The following EPHB2 variants were observed in gnomAD, a reference collection of about 807,000 sequenced individuals.
EPHB2 encodes ephrin type-B receptor 2.
A neutral mutation model predicts 96.4 loss-of-function variants in EPHB2; 18 were observed. The ratio of observed to expected loss-of-function variants is 0.19; its 90% CI spans 0.13 to 0.28. The LOEUF (loss-of-function observed/expected upper bound fraction) is 0.28, where lower values mean the gene tolerates loss of function less well. Among genes scored for constraint, EPHB2 ranks in the 10% least tolerant of loss-of-function variants. The probability of loss-of-function intolerance (pLI) is 1.00; values close to 1 mark genes in which losing one functional copy is unlikely to be tolerated. For synonymous variants in EPHB2, 506 were observed against 534.1 expected (o/e 0.95, Z 0.72); for missense variants, 989 against 1,355.4 (o/e 0.73, Z 4.25).
intron 3 of EPHB2, among the ~76,000 whole-genome samples, chr1:22,793,644 T>A (rs536934546): frequency 6.6e-6 from 1 of 152,244 alleles, no homozygotes; most frequent in East Asian, 1.9e-4. Flanking sequence ...TCAGTTCTAC[T>A]GCCCTCGCAG....
intron 4 of EPHB2, among the ~76,000 whole-genome samples, chr1:22,864,139 G>A (rs901091964): frequency 2.0e-5 from 3 of 150,614 alleles, no homozygotes; most frequent in Non-Finnish European, 1.5e-5. Context: ...TCCACCTCCC[G>A]GGTTCAAGTG....
intron 1 of EPHB2, among the ~76,000 whole-genome samples, chr1:22,748,377 C>CTT (rs372352422): frequency 1.4e-5 from 2 of 143,168 alleles, no homozygotes. Context: ...TTTCTGGGTC[C>CTT]TTTTTTTTTT....
rs546796590 is a variant in EPHB2, at chr1:22,790,810, A to C, written c.811+5734A>C. Among the ~76,000 whole-genome samples the C allele has an allele frequency of 4.5e-3, 693 of 152,366 alleles. 4 individuals carry two copies. The highest frequency in any genetic ancestry group is 7.1e-3 in the Non-Finnish European group (486 of 68,034). ...TGGATGGGGAGAGGGGCTGCTAGCCAGCTCGGGGTGGTTGCACGCACATGT... is the reference window on the plus strand; with the variant it reads ...TGGATGGGGAGAGGGGCTGCTAGCCCGCTCGGGGTGGTTGCACGCACATGT... On this transcript the variant is annotated intron_variant, in intron 3 of 15. Transcript: ENST00000374630. This position sits in a 1 kb window ranked among gnomAD's most constrained non-coding sequence, Gnocchi z 4.0.
At chr1:22,715,035 G>T (rs549895655) in intron 1 of EPHB2, among the ~76,000 whole-genome samples, 1 of 152,220 alleles carries the variant, frequency 6.6e-6, no homozygotes, top group African/African-American at 2.4e-5. Context: ...TGCCATGTTT[G>T]CTGTGACATC....
At chr1:22,729,044 C>T (rs896197551) in intron 1 of EPHB2, among the ~76,000 whole-genome samples, 2 of 152,216 alleles carry the variant, frequency 1.3e-5, no homozygotes, top group African/African-American at 4.8e-5. Context: ...CCAGAAATTA[C>T]ACATCCTGAT....
Position 22,786,074 on chromosome 1 carries a change from C to T in EPHB2, c.811+998C>T, listed in dbSNP as rs561690263. 5.3e-5 allele frequency among the ~76,000 whole-genome samples: 8 copies of T among 152,278 alleles called. No homozygotes were observed. The East Asian group carries it at 1.3e-3, about 26-fold the overall frequency. On this transcript the variant is annotated intron_variant, in intron 3 of 15. Coordinates refer to ENST00000374630, the MANE Select transcript of EPHB2 (RefSeq NM_017449.5). ...GGTCTGCAAACAAGCTTTGCAAACA[C>T]GAGAAGTTTGTGAGAGGTACACCCT...
At chr1:22,867,095 A>G (rs1381889248) in intron 5 of EPHB2, among the ~76,000 whole-genome samples, 1 of 152,194 alleles carries the variant, frequency 6.6e-6, no homozygotes, top group African/African-American at 2.4e-5. Context: ...AACCAGGAAG[A>G]GTGAGAGGCA....
chr1:22,824,190 A>G (rs1044170928), intron 3 of EPHB2, among the ~76,000 whole-genome samples: 1 of 150,498 alleles, frequency 6.6e-6, no homozygotes, highest in African/African-American at 2.4e-5. Context: ...TCATAGATGG[A>G]TTTGTGAATG....
chr1:22,799,649 T>C (rs958950230), intron 3 of EPHB2, among the ~76,000 whole-genome samples: 4 of 152,196 alleles, frequency 2.6e-5, no homozygotes, highest in African/African-American at 9.7e-5. Flanking sequence ...ATGAGGGAAC[T>C]GGGGTTCAGA....
intron 3 of EPHB2, among the ~76,000 whole-genome samples, chr1:22,821,171 C>T (rs886250134): frequency 3.3e-5 from 5 of 152,164 alleles, no homozygotes; most frequent in Non-Finnish European, 7.3e-5. Context: ...AAGATAGACA[C>T]GCATGCTTCT....
intron 1 of EPHB2, among the ~76,000 whole-genome samples, chr1:22,745,748 C>T (rs951042033): frequency 8.6e-5 from 13 of 150,866 alleles, no homozygotes; most frequent in African/African-American, 2.7e-4. Flanking sequence ...GGGCGCTTGG[C>T]AATGGGGGGC....
chr1:22,809,393 G>C (rs1047876829), intron 3 of EPHB2, among the ~76,000 whole-genome samples: 5 of 152,190 alleles, frequency 3.3e-5, no homozygotes, highest in African/African-American at 1.2e-4. Flanking sequence ...TTCCTAAGAT[G>C]TTTTTCCAAG....
intron 1 of EPHB2, among the ~76,000 whole-genome samples, chr1:22,718,828 G>A (rs767513491): frequency 6.6e-6 from 1 of 152,226 alleles, no homozygotes; most frequent in Non-Finnish European, 1.5e-5. Flanking sequence ...AGGAGTGACT[G>A]GCCCAAGGAC....
intron 1 of EPHB2, among the ~76,000 whole-genome samples, chr1:22,743,101 A>T (rs533540695): frequency 6.6e-6 from 1 of 152,218 alleles, no homozygotes; most frequent in Non-Finnish European, 1.5e-5. Flanking sequence ...TATGTTGCCC[A>T]GGCTGGTCTT....
At chr1:22,819,073 G>A (rs1388856054) in intron 3 of EPHB2, among the ~76,000 whole-genome samples, 1 of 152,086 alleles carries the variant, frequency 6.6e-6, no homozygotes, top group Non-Finnish European at 1.5e-5. Context: ...GCCATGCTGT[G>A]AGACCTTAGG....
Position 22,864,923 on chromosome 1 carries a change from C to G in EPHB2, c.1014C>G (p.Thr338=). The change falls in exon 5 of 16, where the codon ACC becomes ACG. Residue 338 remains threonine, a synonymous_variant. Transcript: ENST00000374630. ...CTGTGATTTCCAGTGTCAATGAGAC[C>G]TCCCTCATGCTGGAGTGGACCCCTC... ...PQAVISSVNE[T]SLMLEWTPPR... The G allele has an allele frequency of 6.2e-7, 1 of 1,607,714 alleles. No homozygotes were observed. Among genetic ancestry groups the G allele is most frequent in the Non-Finnish European group, 8.5e-7 (1 of 1,176,984 alleles).
At chr1:22,901,726 C>G (rs1032934892) in intron 9 of EPHB2, among the ~76,000 whole-genome samples, 2 of 152,152 alleles carry the variant, frequency 1.3e-5, no homozygotes, top group African/African-American at 4.8e-5. Flanking sequence ...CTGAGGGTTA[C>G]AAGTGGAGAC....
rs558753416 is a variant in EPHB2 at position 22,858,190 on chromosome 1, G to T, written c.812-4847G>T. On this transcript the variant is annotated intron_variant, in intron 3 of 15. Transcript: ENST00000374630. This position sits in a 1 kb window ranked among gnomAD's most constrained non-coding sequence, Gnocchi z 7.7. Reference sequence around the variant, plus strand: ...TGGCCAAAGGCCTGGAGGTGAGAGCGCATTCGATGACCACAGGCAGGAGCG... The same window carrying T: ...TGGCCAAAGGCCTGGAGGTGAGAGCTCATTCGATGACCACAGGCAGGAGCG... 2.6e-5 allele frequency among the ~76,000 whole-genome samples: 4 copies of T among 152,006 alleles called. No individual in the cohort carries two copies. The highest frequency in any genetic ancestry group is 9.7e-5 in the African/African-American group (4 of 41,406).
chr1:22,893,540 C>T (rs1044511388), intron 7 of EPHB2, among the ~76,000 whole-genome samples: 1 of 152,176 alleles, frequency 6.6e-6, no homozygotes, highest in Non-Finnish European at 1.5e-5. Context: ...CTACGTTTCC[C>T]ACTCTGGAAC....
Sources: allele counts gnomAD v4.1 joint callset (sites outside exome capture counted in the v4.1 genomes callset), GRCh38; gene constraint gnomAD v4.1.1; non-coding constraint Gnocchi (gnomAD v3.1); transcripts MANE v1.5; gene names NCBI Gene and HGNC (gene_info 2026-07-23, HGNC 2026-07-21).